Variants in DNAH6 observed in about 807,000 individuals in gnomAD.
The protein encoded by DNAH6 is axonemal beta dynein heavy chain 6.
A neutral mutation model predicts 491.4 loss-of-function variants in DNAH6; 340 were observed. The observed-to-expected ratio is 0.69, with a 90% confidence interval of 0.63 to 0.76. The LOEUF (loss-of-function observed/expected upper bound fraction) is 0.76, where lower values mean the gene tolerates loss of function less well. Ranked by LOEUF, DNAH6 falls within the 30% of genes least tolerant of loss-of-function variation. DNAH6 has a pLI of 0.00. For synonymous variants in DNAH6, 1,603 were observed against 1,686.1 expected (o/e 0.95, Z 1.21); for missense variants, 4,443 against 4,972.2 (o/e 0.89, Z 3.20).
chr2:84,577,454 T>A (rs1423095095), intron 13 of DNAH6, 46 bp downstream of exon 13: 1 of 1,392,218 alleles, frequency 7.2e-7, no homozygotes, highest in South Asian at 1.5e-5. Context: ...CTACAATTAT[T>A]TTATGATTTT....
rs561353874 is a variant in DNAH6, at chr2:84,548,352, A to C, written c.1251A>C (p.Gly417=). 1 of 1,613,956 alleles carries C rather than the reference A, an allele frequency of 6.2e-7. No homozygotes were observed. The highest frequency in any genetic ancestry group is 1.1e-5 in the South Asian group (1 of 91,068). ...CACCACATGAGTTGCCCACTTATGGAGACTCTGAGAAAATGACATATACAG... is the reference window on the plus strand; with the variant it reads ...CACCACATGAGTTGCCCACTTATGGCGACTCTGAGAAAATGACATATACAG... The part of the protein sequence containing the change: ...INTPHELPTY[G]DSEKMTYTEQ... The change falls in exon 8 of 77, where the codon GGA becomes GGC. Residue 417 remains glycine (G), a synonymous_variant. Coordinates refer to ENST00000389394, the MANE Select transcript of DNAH6 (RefSeq NM_001370.2).
intron 76 of DNAH6, among the ~76,000 whole-genome samples, chr2:84,818,483 TCAAAAAAAAAAAAAA>T (rs1680709984): frequency 2.8e-5 from 1 of 35,518 alleles, no homozygotes; most frequent in African/African-American, 1.4e-4. Context: ...AGACCCTATC[TCAAAAAAAAAAAAAA>T]AAAAAAAAAA....
chr2:84,514,953 C>T (rs1411360675), upstream of DNAH6, among the ~76,000 whole-genome samples: 1 of 151,202 alleles, frequency 6.6e-6, no homozygotes, highest in African/African-American at 2.4e-5. Flanking sequence ...TGTGTACAAT[C>T]CACCTTAATC....
intron 4 of DNAH6, among the ~76,000 whole-genome samples, chr2:84,543,869 A>G (rs569320519): frequency 1.2e-4 from 18 of 152,142 alleles, no homozygotes; most frequent in Non-Finnish European, 1.3e-4. Flanking sequence ...ATAGTGCCAA[A>G]TTCTTTTATG....
intron 41 of DNAH6, 38 bp downstream of exon 41, chr2:84,677,174 G>A: frequency 6.4e-7 from 1 of 1,551,048 alleles, no homozygotes; most frequent in Non-Finnish European, 8.7e-7. Context: ...AGGAGGAAAA[G>A]AAAGCATATT....
chr2:84,695,940 A>G (rs951269194), intron 46 of DNAH6, among the ~76,000 whole-genome samples: 9 of 152,032 alleles, frequency 5.9e-5, no homozygotes, highest in Non-Finnish European at 7.4e-5. Context: ...TCAATCTCAA[A>G]TGTTCTACAA....
intron 10 of DNAH6, among the ~76,000 whole-genome samples, chr2:84,556,546 A>G (rs1261835652): frequency 6.6e-6 from 1 of 152,246 alleles, no homozygotes; most frequent in Non-Finnish European, 1.5e-5. Flanking sequence ...ATTTTCTCTA[A>G]TTAGACTTTA....
chr2:84,664,694 T>C (rs1691898641), intron 37 of DNAH6, among the ~76,000 whole-genome samples: 1 of 152,044 alleles, frequency 6.6e-6, no homozygotes, highest in Non-Finnish European at 1.5e-5. Context: ...ATCAACAAGA[T>C]AGAAAGTTAA....
intron 56 of DNAH6, among the ~76,000 whole-genome samples, chr2:84,710,843 A>T (rs1215920600): frequency 6.6e-6 from 1 of 151,690 alleles, no homozygotes; most frequent in African/African-American, 2.4e-5. Context: ...ATAAGAATTA[A>T]CTTTTGTTAA....
intron 1 of DNAH6, among the ~76,000 whole-genome samples, chr2:84,517,605 C>T (rs904513745): frequency 6.6e-6 from 1 of 152,182 alleles, no homozygotes; most frequent in African/African-American, 2.4e-5. Flanking sequence ...ACCCTAGCTA[C>T]AGGGGTTCTT....
intron 71 of DNAH6, 129 bp downstream of exon 71, chr2:84,805,923 C>A: frequency 1.4e-6 from 1 of 702,496 alleles, no homozygotes; most frequent in Non-Finnish European, 2.2e-6. Flanking sequence ...GCTCTTTTGA[C>A]ATGGAGCTCT....
chr2:84,791,822 G>A (rs1002294891), intron 68 of DNAH6, among the ~76,000 whole-genome samples: 7 of 151,984 alleles, frequency 4.6e-5, no homozygotes, highest in Non-Finnish European at 1.0e-4. Context: ...TGCTAATGGC[G>A]AGTTTTTTTA....
rs11675605 is a variant in DNAH6, at chr2:84,641,784, A to C, written c.4971-163A>C. Among the ~76,000 whole-genome samples, 10,825 of 152,254 alleles carry C rather than the reference A, an allele frequency of 0.071. 423 individuals are homozygous for C. Among genetic ancestry groups the C allele is most frequent in the Middle Eastern group, 0.15 (44 of 294 alleles). On this transcript the variant is annotated intron_variant, in intron 32 of 76. Coordinates refer to ENST00000389394, the MANE Select transcript of DNAH6 (RefSeq NM_001370.2). ...CTGCATAGCCATTGCAGGACTTGTC[A>C]GTATGCTCTGATGGAGATGAACGCT...
At chr2:84,647,028 G>A (rs573650495) in intron 33 of DNAH6, among the ~76,000 whole-genome samples, 1 of 152,122 alleles carries the variant, frequency 6.6e-6, no homozygotes, top group African/African-American at 2.4e-5. Context: ...TGTATTTTTG[G>A]TAGAGACAGA....
At position 84,703,424 on chromosome 2, in the gene DNAH6, C is replaced by T. The variant is rs759703254; in HGVS notation, c.8091C>T (p.Thr2697=). 1.3e-6 allele frequency: 2 copies of T among 1,542,092 alleles called. No homozygotes were observed. The highest frequency in any genetic ancestry group is 1.8e-6 in the Non-Finnish European group (2 of 1,142,062). ...SARDRVKNGL[T]KLLETNILVD... ...GAGATCGGGTGAAGAATGGTCTCAC[C>T]AAGCTACTAGAAACAAACATACTAG... The change falls in exon 50 of 77, where the codon ACC becomes ACT. Residue 2697 remains threonine, a synonymous_variant. Transcript: ENST00000389394.
intron 22 of DNAH6, among the ~76,000 whole-genome samples, chr2:84,612,325 T>C (rs1686422418): frequency 1.3e-5 from 2 of 152,132 alleles, no homozygotes; most frequent in Non-Finnish European, 2.9e-5. Context: ...TTCTAGTCTC[T>C]AGGTTGAAAT....
chr2:84,653,598 T>C lies in DNAH6; in HGVS notation c.5358T>C (p.Val1786=). 6.4e-7 allele frequency: 1 copy of C among 1,551,364 alleles called. No homozygotes were observed. Among genetic ancestry groups the C allele is most frequent in the Non-Finnish European group, 8.7e-7 (1 of 1,146,734 alleles). Residue 1786 remains valine, a synonymous_variant, in exon 34 of 77, where the codon GTT becomes GTC. Coordinates refer to ENST00000389394, the MANE Select transcript of DNAH6 (RefSeq NM_001370.2). ...TAGAAAATTCCTTTTACCAAGCAGT[T>C]AAAACATATGTTCTCAACCCTAAAT... ...LGIENSFYQA[V]KTYVLNPKSI...
rs374829528 is a variant in DNAH6, at chr2:84,623,162, A to G, written c.4072-1103A>G. Among the ~76,000 whole-genome samples, 12 of 152,300 alleles carry G rather than the reference A, an allele frequency of 7.9e-5. No individual in the cohort carries two copies. The East Asian group carries it at 1.4e-3, about 17-fold the overall frequency. The stretch of plus-strand genomic sequence containing the variant: ...AATCCCTAGAAGAAGGCATAGGGGA[A>G]AAGCTTTGACAATGGCGTTGGCATT... On this transcript the variant is annotated intron_variant, in intron 26 of 76. Transcript: ENST00000389394.
chr2:84,776,604 C>T (rs374415345), intron 64 of DNAH6, among the ~76,000 whole-genome samples: 4 of 152,212 alleles, frequency 2.6e-5, no homozygotes, highest in East Asian at 1.9e-4. Context: ...GGAATCTCCA[C>T]ACTGTCTTCC....
Sources: allele counts gnomAD v4.1 joint callset (sites outside exome capture counted in the v4.1 genomes callset), GRCh38; gene constraint gnomAD v4.1.1; transcripts MANE v1.5; gene names NCBI Gene and HGNC (gene_info 2026-07-23, HGNC 2026-07-21).